The following GABRA6 variants were observed in gnomAD, a reference collection of about 807,000 sequenced individuals.
GABRA6 encodes the protein gamma-aminobutyric acid receptor subunit alpha-6.
In GABRA6, 45 loss-of-function variants were observed where a neutral mutation model predicts 47.3. The ratio of observed to expected loss-of-function variants is 0.95; its 90% confidence interval spans 0.75 to 1.22. The LOEUF (loss-of-function observed/expected upper bound fraction) is 1.22, where lower values mean the gene tolerates loss of function less well. Among genes scored for constraint, GABRA6 ranks in the 50% most tolerant of loss-of-function variants. GABRA6 has a pLI of 0.00. For synonymous variants in GABRA6, 219 were observed against 194.7 expected (o/e 1.12, Z -1.04); for missense variants, 583 against 549.3 (o/e 1.06, Z -0.61).
rs762067086 is a variant in GABRA6 at position 161,701,710 on chromosome 5, C to A, written c.1299C>A (p.Asn433Lys). Residue 433 changes from asparagine (N) to lysine (K), a missense_variant, in exon 9 of 9, where the codon AAC becomes AAA. Physicochemically the swap from Asn to Lys is moderately conservative, Grantham distance 94. Transcript: ENST00000274545. ...ILFPVAFAGFNLVYWVVYLSK... is the reference protein window; with the variant it reads ...ILFPVAFAGFKLVYWVVYLSK... ...TCCCAGTTGCATTTGCAGGATTCAA[C>A]CTTGTGTACTGGGTAGTTTATCTTT... The A allele has an allele frequency of 2.5e-6, 4 of 1,614,026 alleles. No individual in the cohort carries two copies. Among genetic ancestry groups the A allele is most frequent in the Admixed American group, 1.7e-5 (1 of 60,004 alleles).
intron 5 of GABRA6, 59 bp from the exon 6 acceptor site, chr5:161,689,577 A>G (rs534802152): frequency 6.9e-7 from 1 of 1,446,290 alleles, no homozygotes; most frequent in African/African-American, 1.4e-5. Context: ...TGCACTTTGA[A>G]GGAAAAAAAG....
rs1230533880 is a variant in GABRA6, at chr5:161,702,570, TAAATA to T, written c.*801_*805del. The T allele has an allele frequency of 6.6e-6, 1 of 152,122 alleles. No homozygotes were observed. Among genetic ancestry groups the T allele is most frequent in the Non-Finnish European group, 1.5e-5 (1 of 67,998 alleles). The allele number at this position is 152,122 out of a possible 1,614,324, so 9.4% of individuals were successfully genotyped here. A position where few individuals can be genotyped will look rare whatever the true frequency, so the allele number is the denominator to read the frequency against. On this transcript the variant is annotated 3_prime_UTR_variant, in exon 9 of 9. Coordinates refer to ENST00000274545, the MANE Select transcript of GABRA6 (RefSeq NM_000811.3). ...TTTTCCACATTTCCAATTATAACAC[TAAATA>T]AAACAACAATAAACATGGTTCTCTG... is the stretch of plus-strand genomic sequence containing the variant.
At position 161,689,161 on chromosome 5, in the gene GABRA6, C is replaced by T. The variant is rs759198679; in HGVS notation, c.438C>T (p.Tyr146=). 3.1e-6 allele frequency: 5 copies of T among 1,613,540 alleles called. No homozygotes were observed. The highest frequency in any genetic ancestry group is 1.1e-5 in the South Asian group (1 of 91,074). The part of the protein sequence containing the change: ...FRIMQNGTIL[Y]TMRLTINADC... ...TAATGCAGAATGGAACCATTTTATA[C>T]ACCATGAGGTGAGGTTTCTCCAATT... The change falls in exon 4 of 9, where the codon TAC becomes TAT. Residue 146 remains tyrosine, a synonymous_variant. Coordinates refer to ENST00000274545, the MANE Select transcript of GABRA6 (RefSeq NM_000811.3).
At position 161,688,965 on chromosome 5, in the gene GABRA6, T is replaced by A; in HGVS notation, c.242T>A (p.Val81Asp). 1 of 1,612,524 alleles carries A rather than the reference T, an allele frequency of 6.2e-7. No homozygotes were observed. The highest frequency in any genetic ancestry group is 8.5e-7 in the Non-Finnish European group (1 of 1,178,750). ...TTCTCTTAGGAGTATACGATGGATG[T>A]TTTTTTCCGCCAGACCTGGACTGAT... ...SDVEMEYTMD[V>D]FFRQTWTDER... Residue 81 changes from valine to aspartate, a missense_variant, in exon 4 of 9, where the codon GTT becomes GAT. Physicochemically the swap from Val to Asp is radical, Grantham distance 152 (BLOSUM62 -3). Transcript: ENST00000274545.
intron 3 of GABRA6, 123 bp downstream of exon 3, chr5:161,687,126 C>T: frequency 3.7e-6 from 3 of 803,658 alleles, no homozygotes; most frequent in Non-Finnish European, 6.6e-6. Context: ...TATTTGTATT[C>T]ATGCTGGGAG....
chr5:161,686,861 T>C, intron 2 of GABRA6, 75 bp from the exon 3 acceptor site: 1 of 1,243,298 alleles, frequency 8.0e-7, no homozygotes, highest in South Asian at 1.2e-5. Flanking sequence ...GTAAGGGGTT[T>C]GGTGGTAGAG....
intron 8 of GABRA6, among the ~76,000 whole-genome samples, chr5:161,695,281 C>G (rs1032749490): frequency 3.9e-5 from 6 of 152,042 alleles, no homozygotes; most frequent in Non-Finnish European, 4.4e-5. Flanking sequence ...AAAAAGGCAC[C>G]TTAAAGCTAA....
At chr5:161,693,375 C>T (rs915046104) in intron 8 of GABRA6, among the ~76,000 whole-genome samples, 18 of 151,532 alleles carry the variant, frequency 1.2e-4, no homozygotes, top group African/African-American at 1.9e-4. Context: ...TTTATTAGCC[C>T]TTATTTAAAA....
Position 161,685,823 on chromosome 5 carries a change from C to T in GABRA6, c.-167C>T, listed in dbSNP as rs189685712. 5.9e-6 allele frequency: 4 copies of T among 677,632 alleles called. No homozygotes were observed. The highest frequency in any genetic ancestry group is 5.4e-5 in the African/African-American group (3 of 55,608). 42.0% of individuals were successfully genotyped at this position (677,632 alleles called of 1,614,324 possible). ...AAAGAAGGGAGCCAGGGGAATCCTG[C>T]AAATTTTTAGGCAACCTCTTTATCT... is the stretch of plus-strand genomic sequence containing the variant. On this transcript the variant is annotated 5_prime_UTR_variant, in exon 1 of 9. Transcript: ENST00000274545.
At chr5:161,693,723 C>A (rs921591266) in intron 8 of GABRA6, among the ~76,000 whole-genome samples, 63 of 152,040 alleles carry the variant, frequency 4.1e-4, no homozygotes, top group African/African-American at 1.5e-3. Flanking sequence ...GGAACTGAGG[C>A]AAGAAGATTG....
intron 3 of GABRA6, chr5:161,687,239 T>A (rs1224256931): frequency 2.0e-5 from 11 of 540,452 alleles, no homozygotes; most frequent in Non-Finnish European, 3.4e-5. Context: ...CTCTCTTCCA[T>A]CCACATGCTA....
Position 161,688,964 on chromosome 5 carries a change from G to GT in GABRA6, c.248dup (p.Arg84ProfsTer6), listed in dbSNP as rs755508078. ...TTTCTCTTAGGAGTATACGATGGATGTTTTTTTCCGCCAGACCTGGACTGA... is the reference window on the plus strand; with the variant it reads ...TTTCTCTTAGGAGTATACGATGGATGTTTTTTTTCCGCCAGACCTGGACTGA... On this transcript the variant is annotated frameshift_variant, in exon 4 of 9. Coordinates refer to ENST00000274545, the MANE Select transcript of GABRA6 (RefSeq NM_000811.3). LOFTEE classifies it high-confidence loss of function. The GT allele has an allele frequency of 2.5e-5, 40 of 1,613,336 alleles. No homozygotes were observed. The highest frequency in any genetic ancestry group is 1.5e-4 in the Admixed American group (9 of 59,984).
chr5:161,701,616 T>C lies in GABRA6; in HGVS notation c.1205T>C (p.Val402Ala). The C allele has an allele frequency of 2.5e-5, 41 of 1,614,140 alleles. No homozygotes were observed. The highest frequency in any genetic ancestry group is 3.5e-5 in the Non-Finnish European group (41 of 1,180,026). ...GCGCCCATCTTACAATCAACACCTG[T>C]CACACCCCCACCACTCTCGCCAGCC... ...TRAPILQSTP[V>A]TPPPLSPAFG... The change falls in exon 9 of 9, where the codon GTC (valine) becomes GCC (alanine). Residue 402 changes from valine (V) to alanine (A), a missense_variant. By Grantham distance (64) the Val-to-Ala change is moderately conservative. Transcript: ENST00000274545.
intron 2 of GABRA6, 125 bp downstream of exon 2, chr5:161,686,473 G>T: frequency 1.3e-6 from 1 of 787,890 alleles, no homozygotes; most frequent in Admixed American, 1.7e-5. Context: ...GAGAGACCAT[G>T]GGTATGTTCC....
chr5:161,687,800 T>C (rs947522254), intron 3 of GABRA6, among the ~76,000 whole-genome samples: 2 of 149,650 alleles, frequency 1.3e-5, no homozygotes, highest in East Asian at 2.0e-4. Context: ...GAAAAGAAGA[T>C]GTAAAGAAAG....
chr5:161,688,931 T>C lies in GABRA6; in HGVS notation c.226-18T>C. On this transcript the variant is annotated intron_variant, in intron 3 of 8. Transcript: ENST00000274545. ...AAACTATCTTTCCAGCCCACACAAA[T>C]ATTTTATTTTCTCTTAGGAGTATAC... The C allele has an allele frequency of 1.3e-6, 2 of 1,594,244 alleles. No individual in the cohort carries two copies. The highest frequency in any genetic ancestry group is 8.6e-7 in the Non-Finnish European group (1 of 1,162,854).
At chr5:161,692,247 C>A (rs751675134) in intron 8 of GABRA6, 47 bp downstream of exon 8, 1 of 1,610,488 alleles carries the variant, frequency 6.2e-7, no homozygotes, top group Non-Finnish European at 8.5e-7. Context: ...GAAAAAGCAG[C>A]CTAAATAGTG....
chr5:161,700,563 G>A (rs1474190347), intron 8 of GABRA6, among the ~76,000 whole-genome samples: 1 of 152,156 alleles, frequency 6.6e-6, no homozygotes, highest in African/African-American at 2.4e-5. Flanking sequence ...GAATGAAACA[G>A]GCACTGAAAT....
rs753752912 is a variant in GABRA6, at chr5:161,689,206, G to T, written c.446+37G>T. 6 of 1,611,488 alleles carry T rather than the reference G, an allele frequency of 3.7e-6. No individual in the cohort carries two copies. The East Asian group carries it at 1.1e-4, about 30-fold the overall frequency. On this transcript the variant is annotated intron_variant, in intron 4 of 8. Transcript: ENST00000274545. ...CCAATTCTATTTCCCCTGCCTAAAT[G>T]ATATGTCCATAATACTAACTCAGAA... is the stretch of plus-strand genomic sequence containing the variant.
Sources: gnomAD v4.1 joint callset for allele counts (sites outside exome capture counted in the v4.1 genomes callset) on GRCh38, gnomAD v4.1.1 for gene constraint, MANE v1.5 for transcripts, NCBI Gene and HGNC (gene_info 2026-07-23, HGNC 2026-07-21) for gene names.